Variants in GAS7 observed in about 807,000 individuals in gnomAD.
GAS7 encodes growth arrest-specific protein 7.
GAS7 carries 28 observed loss-of-function variants against 71.1 expected under a neutral mutation model. The observed-to-expected ratio is 0.39, with a 90% CI of 0.29 to 0.54. The LOEUF (loss-of-function observed/expected upper bound fraction) is 0.54. Ranked by LOEUF, GAS7 falls within the 20% of genes least tolerant of loss-of-function variation. The probability of loss-of-function intolerance (pLI) is 0.62; values close to 1 mark genes in which losing one functional copy is unlikely to be tolerated. For synonymous variants in GAS7, 258 were observed against 245.8 expected, an observed-to-expected ratio of 1.05 and a Z score of -0.46; for missense variants, 436 against 627.8, an observed-to-expected ratio of 0.69 and a Z score of 3.27.
intron 2 of GAS7, among the ~76,000 whole-genome samples, chr17:9,993,914 T>C (rs1379313637): frequency 6.6e-6 from 1 of 152,166 alleles, no homozygotes; most frequent in African/African-American, 2.4e-5. Flanking sequence ...AAATTATGAA[T>C]GAACTCCCAC....
At chr17:10,043,294 C>T (rs1188955204) in intron 1 of GAS7, among the ~76,000 whole-genome samples, 1 of 152,126 alleles carries the variant, frequency 6.6e-6, no homozygotes, top group Non-Finnish European at 1.5e-5. Flanking sequence ...CAGACTAGTG[C>T]TCAACACTCA....
chr17:9,920,955 C>G (rs997506935), intron 11 of GAS7, among the ~76,000 whole-genome samples: 22 of 152,112 alleles, frequency 1.4e-4, no homozygotes, highest in Admixed American at 4.6e-4. Context: ...AAGGTTATGT[C>G]TCCAGGCCCC....
chr17:10,198,137 C>G, intron 1 of GAS7, 71 bp downstream of exon 1: 1 of 1,457,788 alleles, frequency 6.9e-7, no homozygotes, highest in Non-Finnish European at 9.4e-7. Flanking sequence ...ATCCCCGGAA[C>G]GGGCAACAGG....
chr17:9,983,950 G>A (rs533147064), intron 2 of GAS7, among the ~76,000 whole-genome samples: 1 of 152,216 alleles, frequency 6.6e-6, no homozygotes, highest in Admixed American at 6.5e-5. Flanking sequence ...ACTATCCTTG[G>A]CCAAGCTACT....
At chr17:9,938,065 T>G (rs1024332167) in intron 8 of GAS7, among the ~76,000 whole-genome samples, 3 of 152,214 alleles carry the variant, frequency 2.0e-5, no homozygotes, top group African/African-American at 7.2e-5. Flanking sequence ...TAGTATGGAC[T>G]AAAGGTTTAT....
At chr17:10,136,225 G>A (rs772661822) in intron 1 of GAS7, among the ~76,000 whole-genome samples, 1 of 152,208 alleles carries the variant, frequency 6.6e-6, no homozygotes, top group South Asian at 2.1e-4. Flanking sequence ...ATCCACGGGG[G>A]AGGCTGGGTG....
intron 1 of GAS7, among the ~76,000 whole-genome samples, chr17:10,181,674 T>C (rs1259257791): frequency 2.6e-5 from 4 of 152,114 alleles, no homozygotes; most frequent in Non-Finnish European, 4.4e-5. Context: ...GAAGAACCTA[T>C]GAAAAATGTT....
Position 9,957,798 on chromosome 17 carries a change from T to C in GAS7, c.525+1404A>G, listed in dbSNP as rs2069308462. On this transcript the variant is annotated intron_variant, in intron 5 of 13. Coordinates refer to ENST00000432992, the MANE Select transcript of GAS7 (RefSeq NM_201433.2). ...TACCCCACAGTCCAAGCAGGCTGAGTCGTTCTGCCCAGCCCTTGGAGACAC... is the reference window on the plus strand; with the variant it reads ...TACCCCACAGTCCAAGCAGGCTGAGCCGTTCTGCCCAGCCCTTGGAGACAC... 2.0e-5 allele frequency among the ~76,000 whole-genome samples: 3 copies of C among 152,012 alleles called. No homozygotes were observed. In the South Asian group the frequency reaches 6.2e-4, roughly 32 times the overall value.
chr17:10,061,568 T>C (rs1301142313), intron 1 of GAS7, among the ~76,000 whole-genome samples: 1 of 152,262 alleles, frequency 6.6e-6, no homozygotes, highest in Non-Finnish European at 1.5e-5. Context: ...AGTTTTTTTA[T>C]ATCCTCTTTT....
chr17:10,013,495 G>C (rs1055491015), intron 2 of GAS7, among the ~76,000 whole-genome samples: 2 of 152,138 alleles, frequency 1.3e-5, no homozygotes, highest in African/African-American at 4.8e-5. Context: ...CCAAAACCCT[G>C]GGAGTTCCTG....
At position 9,969,880 on chromosome 17, in the gene GAS7, G is replaced by A; in HGVS notation, c.386-118C>T. On this transcript the variant is annotated intron_variant, in intron 3 of 13. Transcript: ENST00000432992. This position sits in a 1 kb window ranked among gnomAD's most constrained non-coding sequence, Gnocchi z 5.5. ...CCTTGGCTCTGAGAGGTCTTGCGTG[G>A]CGAAGACCATCCCTCAGGATCTGAT... is the stretch of plus-strand genomic sequence containing the variant. 5.8e-6 allele frequency: 4 copies of A among 685,628 alleles called. No individual in the cohort carries two copies. The highest frequency in any genetic ancestry group is 1.1e-5 in the Non-Finnish European group (4 of 376,098). 42.5% of individuals were successfully genotyped at this position (685,628 alleles called of 1,614,324 possible).
At chr17:10,100,391 CAG>C (rs1334844467) in intron 1 of GAS7, among the ~76,000 whole-genome samples, 5 of 152,006 alleles carry the variant, frequency 3.3e-5, no homozygotes. Flanking sequence ...TGCCACTTCC[CAG>C]AGGTCTCCTC....
intron 1 of GAS7, among the ~76,000 whole-genome samples, chr17:10,195,500 T>C (rs139546867): frequency 1.4e-3 from 219 of 152,230 alleles, no homozygotes; most frequent in Admixed American, 3.7e-3. Flanking sequence ...AGAGATGCCA[T>C]ATTCATCTGT....
At chr17:10,005,192 C>CGCAT in intron 2 of GAS7, among the ~76,000 whole-genome samples, 1 of 101,288 alleles carries the variant, frequency 9.9e-6, no homozygotes, top group South Asian at 3.3e-4. Context: ...TGTATGTGCA[C>CGCAT]GCATGCATGT....
chr17:9,992,282 G>A (rs1002928637), intron 2 of GAS7, among the ~76,000 whole-genome samples: 1 of 151,828 alleles, frequency 6.6e-6, no homozygotes, highest in Admixed American at 6.6e-5. Context: ...AACCTTCTAA[G>A]AGCCGCGGCT....
chr17:10,143,542 CAA>C (rs35511428), intron 1 of GAS7, among the ~76,000 whole-genome samples: 91,815 of 135,772 alleles, frequency 0.68, 30,411 homozygotes, highest in East Asian at 0.79. Context: ...AATTCCGTCT[CAA>C]AAAAAAAAAA....
intron 1 of GAS7, among the ~76,000 whole-genome samples, chr17:10,030,293 G>A (rs1299900169): frequency 6.6e-6 from 1 of 152,210 alleles, no homozygotes; most frequent in Non-Finnish European, 1.5e-5. Flanking sequence ...AGTACTTTGT[G>A]GATGAAGGAA....
chr17:10,090,315 T>C (rs192251169), intron 1 of GAS7, among the ~76,000 whole-genome samples: 1 of 152,332 alleles, frequency 6.6e-6, no homozygotes, highest in Non-Finnish European at 1.5e-5. Context: ...ACTAAGGCTT[T>C]TCAGTTTACA....
Position 9,911,409 on chromosome 17 carries a change from T to A in GAS7, c.*5819A>T, listed in dbSNP as rs2067432533. 10 of 232,984 alleles carry A rather than the reference T, an allele frequency of 4.3e-5. No individual in the cohort carries two copies. In the East Asian group the frequency reaches 6.0e-4, roughly 14 times the overall value. 14.4% of individuals were successfully genotyped at this position (232,984 alleles called of 1,614,324 possible). On this transcript the variant is annotated 3_prime_UTR_variant, in exon 14 of 14. Transcript: ENST00000432992. The surrounding 1 kb of genome is among the most constrained non-coding windows in gnomAD (Gnocchi z 4.0). ...GCCCTGACCTTACATTCCACTGCAA[T>A]CCCACTAAAGTTTCCCTCAAACACC...
Sources: allele counts gnomAD v4.1 joint callset (sites outside exome capture counted in the v4.1 genomes callset), GRCh38; gene constraint gnomAD v4.1.1; non-coding constraint Gnocchi (gnomAD v3.1); transcripts MANE v1.5; gene names NCBI Gene and HGNC (gene_info 2026-07-23, HGNC 2026-07-21).